The following FER variants were observed in gnomAD, a reference collection of about 807,000 sequenced individuals.
The protein encoded by FER is FER tyrosine kinase.
FER carries 63 observed loss-of-function variants against 111.0 expected under a neutral mutation model. The ratio of observed to expected loss-of-function variants is 0.57; its 90% CI spans 0.46 to 0.70. The LOEUF is 0.70. Among genes scored for constraint, FER ranks in the 30% least tolerant of loss-of-function variants. The probability of loss-of-function intolerance (pLI) is 0.00; values close to 1 mark genes in which losing one functional copy is unlikely to be tolerated. For synonymous variants in FER, 327 were observed against 313.9 expected (o/e 1.04, Z -0.44); for missense variants, 914 against 954.0 (o/e 0.96, Z 0.55).
chr5:109,031,071 A>G (rs756481450), intron 13 of FER, among the ~76,000 whole-genome samples: 6 of 151,968 alleles, frequency 3.9e-5, no homozygotes, highest in Non-Finnish European at 5.9e-5. Flanking sequence ...TTAGCTGCTT[A>G]TTGTTAGTTG....
intron 10 of FER, among the ~76,000 whole-genome samples, chr5:108,926,610 A>G (rs533883366): frequency 9.9e-5 from 15 of 152,208 alleles, no homozygotes; most frequent in Non-Finnish European, 2.1e-4. Context: ...TATCTTGGTT[A>G]TTAACTAATA....
chr5:109,044,728 G>A lies in FER; in HGVS notation c.1762G>A (p.Val588Ile), dbSNP rs1404540449. The change falls in exon 15 of 20, where the codon GTT becomes ATT. Residue 588 changes from valine (V) to isoleucine (I), a missense_variant. Physicochemically the swap from Val to Ile is conservative, Grantham distance 29. Around this residue, in one of 3 missense-constraint regions of FER, gnomAD observed 774 missense variants for 782.6 expected, o/e 0.99. Coordinates refer to ENST00000281092, the MANE Select transcript of FER (RefSeq NM_005246.4). ...YKGTLKDKTS[V>I]AVKTCKEDLP... Reference sequence around the variant, plus strand: ...GGGCACATTAAAGGATAAAACTTCTGTTGCTGTTAAAACATGTAAAGAAGA... The same window carrying A: ...GGGCACATTAAAGGATAAAACTTCTATTGCTGTTAAAACATGTAAAGAAGA... 2.5e-6 allele frequency: 4 copies of A among 1,589,816 alleles called. No homozygotes were observed. The highest frequency in any genetic ancestry group is 1.2e-5 in the South Asian group (1 of 85,396).
rs1775098824 is a variant in FER at position 109,066,419 on chromosome 5, AG to A, written c.1924+19222del. On this transcript the variant is annotated intron_variant, in intron 16 of 19. Transcript: ENST00000281092. ...AGATTTTGTACATAGGTAATTACAT[AG>A]CACAAAATTTATAAATATTACATCA... 3.9e-5 allele frequency among the ~76,000 whole-genome samples: 6 copies of A among 152,196 alleles called. 1 individual carries two copies. In the South Asian group the frequency reaches 1.2e-3, roughly 31 times the overall value.
intron 17 of FER, among the ~76,000 whole-genome samples, chr5:109,176,647 G>A (rs993786223): frequency 3.3e-5 from 5 of 152,186 alleles, no homozygotes; most frequent in Admixed American, 6.5e-5. Context: ...TGACACAAAT[G>A]ATAAATGTTT....
intron 3 of FER, among the ~76,000 whole-genome samples, chr5:108,812,571 T>C (rs1434341780): frequency 6.6e-6 from 1 of 152,172 alleles, no homozygotes; most frequent in East Asian, 1.9e-4. Flanking sequence ...ATTATTGATA[T>C]GATTAGGTTT....
At chr5:109,060,910 G>GA (rs1420248509) in intron 16 of FER, among the ~76,000 whole-genome samples, 5 of 151,648 alleles carry the variant, frequency 3.3e-5, no homozygotes. Context: ...TGTCTGAGAG[G>GA]AAAAAAATGG....
intron 2 of FER, among the ~76,000 whole-genome samples, chr5:108,786,650 G>C (rs576095001): frequency 1.3e-5 from 2 of 152,142 alleles, no homozygotes; most frequent in African/African-American, 4.8e-5. Flanking sequence ...ACAGGAGCCT[G>C]CTAGCACGCC....
At chr5:109,177,666 C>A (rs1194688712) in intron 17 of FER, 1 of 152,198 alleles carries the variant, frequency 6.6e-6, no homozygotes, top group African/African-American at 2.4e-5. Flanking sequence ...CCTTAATTAA[C>A]CTGTCTCATA....
At chr5:108,850,857 T>C (rs986591369) in intron 5 of FER, among the ~76,000 whole-genome samples, 3 of 152,204 alleles carry the variant, frequency 2.0e-5, no homozygotes, top group Non-Finnish European at 4.4e-5. Flanking sequence ...AAGTACATGA[T>C]TGGGAGAATA....
At chr5:109,019,000 A>T (rs1767570607) in intron 13 of FER, among the ~76,000 whole-genome samples, 4 of 151,548 alleles carry the variant, frequency 2.6e-5, no homozygotes, top group Admixed American at 2.0e-4. Context: ...CATATGAATC[A>T]TAGGTATTAT....
At chr5:109,011,200 ATTC>A (rs1199117481) in intron 13 of FER, among the ~76,000 whole-genome samples, 4 of 152,200 alleles carry the variant, frequency 2.6e-5, no homozygotes, top group Non-Finnish European at 2.9e-5. Flanking sequence ...AGTATTAGAA[ATTC>A]TTCTAAGACT....
chr5:109,109,897 G>T (rs1487996536), intron 17 of FER, among the ~76,000 whole-genome samples: 3 of 151,984 alleles, frequency 2.0e-5, no homozygotes, highest in African/African-American at 7.2e-5. Context: ...TCCCATTCAG[G>T]GTGTACTTAT....
chr5:108,911,965 G>A (rs1399319363), intron 10 of FER, among the ~76,000 whole-genome samples: 1 of 152,094 alleles, frequency 6.6e-6, no homozygotes, highest in Non-Finnish European at 1.5e-5. Context: ...GAATCACGAG[G>A]GCAGTTTTCC....
intron 13 of FER, among the ~76,000 whole-genome samples, chr5:108,991,200 T>G (rs1171181238): frequency 6.6e-6 from 1 of 151,974 alleles, no homozygotes; most frequent in Non-Finnish European, 1.5e-5. Flanking sequence ...TGTCTCATTT[T>G]GTATATGTGT....
At chr5:108,883,060 A>G (rs1013184362) in intron 8 of FER, among the ~76,000 whole-genome samples, 1 of 152,002 alleles carries the variant, frequency 6.6e-6, no homozygotes, top group African/African-American at 2.4e-5. Context: ...CATTTACTCA[A>G]TGTCTACCAA....
At chr5:109,031,177 C>T (rs1352566331) in intron 13 of FER, among the ~76,000 whole-genome samples, 5 of 151,828 alleles carry the variant, frequency 3.3e-5, no homozygotes, top group African/African-American at 1.2e-4. Flanking sequence ...CTAACTGAGC[C>T]GCCTTCTATG....
chr5:108,909,430 A>G (rs899193395), intron 10 of FER, among the ~76,000 whole-genome samples: 1 of 152,226 alleles, frequency 6.6e-6, no homozygotes, highest in Admixed American at 6.5e-5. Flanking sequence ...CAGTGTATCT[A>G]GAGATCTTTG....
At chr5:109,124,863 G>A (rs1202080415) in intron 17 of FER, among the ~76,000 whole-genome samples, 5 of 151,940 alleles carry the variant, frequency 3.3e-5, no homozygotes, top group Non-Finnish European at 7.4e-5. Flanking sequence ...TGGCTAACAC[G>A]GTGAAACCCC....
At chr5:108,900,471 A>C (rs1029533372) in intron 10 of FER, among the ~76,000 whole-genome samples, 10 of 152,248 alleles carry the variant, frequency 6.6e-5, no homozygotes, top group African/African-American at 2.4e-4. Context: ...AAGTGGTTCT[A>C]TTGGTATTTT....
Sources: allele counts gnomAD v4.1 joint callset (sites outside exome capture counted in the v4.1 genomes callset), GRCh38; gene constraint gnomAD v4.1.1; regional missense constraint gnomAD v4.1.1; transcripts MANE v1.5; gene names NCBI Gene and HGNC (gene_info 2026-07-23, HGNC 2026-07-21).